The following FARS2 variants were observed in gnomAD, a reference collection of about 807,000 sequenced individuals.
The protein encoded by FARS2 is phenylalanine--tRNA ligase, mitochondrial.
FARS2 carries 40 observed loss-of-function variants against 46.4 expected under a neutral mutation model. The observed-to-expected ratio is 0.86, with a 90% CI of 0.67 to 1.12. The LOEUF is 1.12. Ranked by LOEUF, FARS2 falls within the 50% of genes most tolerant of loss-of-function variation. The pLI is 0.00. For synonymous variants in FARS2, 234 were observed against 214.9 expected (o/e 1.09, Z -0.78); for missense variants, 513 against 567.9 (o/e 0.90, Z 0.98).
chr6:5,344,895 T>G (rs1445968390), intron 1 of FARS2, among the ~76,000 whole-genome samples: 1 of 151,880 alleles, frequency 6.6e-6, no homozygotes, highest in African/African-American at 2.4e-5. Flanking sequence ...GTTCAAACAA[T>G]TCTCCTGCCT....
chr6:5,419,216 A>C (rs1305191765), intron 3 of FARS2, among the ~76,000 whole-genome samples: 1 of 152,196 alleles, frequency 6.6e-6, no homozygotes, highest in East Asian at 1.9e-4. Context: ...ATGCATTTTT[A>C]GATCTGTTTT....
chr6:5,444,491 AAAGAGAG>A (rs1398244789), intron 4 of FARS2, among the ~76,000 whole-genome samples: 2 of 17,914 alleles, frequency 1.1e-4, no homozygotes, highest in African/African-American at 4.5e-4. Context: ...AAAAAAAAAA[AAAGAGAG>A]AGAGAGAGAG....
chr6:5,481,302 A>C (rs1766442734), intron 4 of FARS2, among the ~76,000 whole-genome samples: 1 of 152,144 alleles, frequency 6.6e-6, no homozygotes, highest in Admixed American at 6.5e-5. Context: ...GGGGGAGGGG[A>C]TGTGTAAAGC....
intron 5 of FARS2, among the ~76,000 whole-genome samples, chr6:5,550,960 G>A (rs1458524730): frequency 2.6e-5 from 4 of 152,158 alleles, no homozygotes; most frequent in Non-Finnish European, 5.9e-5. Context: ...TTGTATAGCT[G>A]CACTCATGGC....
chr6:5,401,296 A>G (rs1303797485), intron 2 of FARS2, among the ~76,000 whole-genome samples: 4 of 152,068 alleles, frequency 2.6e-5, no homozygotes, highest in South Asian at 4.1e-4. Context: ...GCTCTTTAGA[A>G]AGGTTATATT....
chr6:5,381,869 A>T (rs548048228), intron 2 of FARS2, among the ~76,000 whole-genome samples: 2 of 152,274 alleles, frequency 1.3e-5, no homozygotes, highest in East Asian at 3.9e-4. Context: ...TGTTGGGGGA[A>T]ACCAAGGGAA....
intron 4 of FARS2, among the ~76,000 whole-genome samples, chr6:5,513,979 A>T (rs1768621118): frequency 6.6e-6 from 1 of 151,984 alleles, no homozygotes; most frequent in Admixed American, 6.6e-5. Context: ...GTATCTCTTC[A>T]TTGGGGATTT....
At position 5,341,355 on chromosome 6, in the gene FARS2, A is replaced by G. The variant is rs75763607; in HGVS notation, c.-21-27195A>G. 2.4e-3 allele frequency among the ~76,000 whole-genome samples: 349 copies of G among 143,198 alleles called. 2 individuals carry two copies. The highest frequency in any genetic ancestry group is 8.5e-3 in the African/African-American group (331 of 38,770). The allele number at this position is 143,198 out of a possible 152,430, so 93.9% of individuals were successfully genotyped here. A position where few individuals can be genotyped will look rare whatever the true frequency, so the allele number is the denominator to read the frequency against. ...CTCCCCCCTCCCTCATCAGTGTCCC[A>G]GCTGCTCTTGACCTGCCTACACTGC... On this transcript the variant is annotated intron_variant, in intron 1 of 6. Coordinates refer to ENST00000274680, the MANE Select transcript of FARS2 (RefSeq NM_006567.5).
chr6:5,260,958 C>G, upstream of FARS2: 1 of 1,301,864 alleles, frequency 7.7e-7, no homozygotes. Flanking sequence ...CTCGGGGCAG[C>G]TAAGGGGGCG....
At chr6:5,442,569 G>C (rs1763902686) in intron 4 of FARS2, among the ~76,000 whole-genome samples, 1 of 152,110 alleles carries the variant, frequency 6.6e-6, no homozygotes, top group South Asian at 2.1e-4. Flanking sequence ...TGATTCTGTA[G>C]TTTAAGTCTC....
chr6:5,771,391 G>A lies in FARS2; in HGVS notation c.1318G>A (p.Ala440Thr). Residue 440 changes from alanine to threonine, a missense_variant, in exon 7 of 7, where the codon GCT (alanine) becomes ACT (threonine). Transcript: ENST00000274680. The part of the protein sequence containing the change: ...VRHIHQALQE[A>T]AVQLLGVEGR... ...GCACATCCACCAGGCCTTGCAGGAG[G>A]CTGCAGTCCAGCTGTTGGGTGTGGA... 6.2e-7 allele frequency: 1 copy of A among 1,614,238 alleles called. No homozygotes were observed. The highest frequency in any genetic ancestry group is 8.5e-7 in the Non-Finnish European group (1 of 1,180,034).
At chr6:5,296,212 G>C (rs537528583) in intron 1 of FARS2, among the ~76,000 whole-genome samples, 4 of 120,798 alleles carry the variant, frequency 3.3e-5, no homozygotes, top group African/African-American at 1.3e-4. Flanking sequence ...TGGGATCTCA[G>C]CTCACTGCAA....
At chr6:5,491,836 G>A (rs1225081531) in intron 4 of FARS2, among the ~76,000 whole-genome samples, 1 of 152,028 alleles carries the variant, frequency 6.6e-6, no homozygotes, top group African/African-American at 2.4e-5. Flanking sequence ...AAAGCACAAT[G>A]AATTCCATGA....
intron 4 of FARS2, among the ~76,000 whole-genome samples, chr6:5,482,378 A>G (rs1372700910): frequency 6.6e-6 from 1 of 152,216 alleles, no homozygotes; most frequent in East Asian, 1.9e-4. Flanking sequence ...GATTAAATGA[A>G]GTAAGGTGAG....
intron 4 of FARS2, among the ~76,000 whole-genome samples, chr6:5,442,365 C>CT (rs1763889646): frequency 6.7e-6 from 1 of 149,872 alleles, no homozygotes; most frequent in Non-Finnish European, 1.5e-5. Context: ...TTTTTCTGTT[C>CT]TTTTTTTAAG....
intron 1 of FARS2, among the ~76,000 whole-genome samples, chr6:5,318,387 CAAAAAA>C (rs753113504): frequency 1.3e-5 from 1 of 77,196 alleles, no homozygotes; most frequent in East Asian, 3.5e-4. Flanking sequence ...AAAAAAAAAC[CAAAAAA>C]AAAAAAAAAA....
the FARS2 span, among the ~76,000 whole-genome samples, chr6:5,252,943 T>C: frequency 6.6e-6 from 1 of 152,156 alleles, no homozygotes; most frequent in Non-Finnish European, 1.5e-5. Context: ...AATTAAGCCC[T>C]GTGTAAGGGC....
intron 3 of FARS2, among the ~76,000 whole-genome samples, chr6:5,410,148 T>C (rs1372874045): frequency 8.5e-6 from 1 of 117,240 alleles, no homozygotes; most frequent in African/African-American, 3.8e-5. Context: ...TTCGTTTTTG[T>C]GTTTTTTTGT....
At chr6:5,564,085 A>G (rs1218556207) in intron 5 of FARS2, among the ~76,000 whole-genome samples, 1 of 152,230 alleles carries the variant, frequency 6.6e-6, no homozygotes, top group Non-Finnish European at 1.5e-5. Context: ...TCCCTGCTGT[A>G]AGGGTAATAA....
Sources: allele counts gnomAD v4.1 joint callset (sites outside exome capture counted in the v4.1 genomes callset), GRCh38; gene constraint gnomAD v4.1.1; transcripts MANE v1.5; gene names NCBI Gene and HGNC (gene_info 2026-07-23, HGNC 2026-07-21).